TLK2: variants seen among roughly 807,000 people sequenced by gnomAD.
The protein encoded by TLK2 is serine/threonine-protein kinase tousled-like 2.
TLK2 carries 6 observed loss-of-function variants against 117.3 expected under a neutral mutation model. The ratio of observed to expected loss-of-function variants is 0.05; its 90% CI spans 0.03 to 0.10. The LOEUF (loss-of-function observed/expected upper bound fraction) is 0.10. Ranked by LOEUF, TLK2 falls within the 10% of genes least tolerant of loss-of-function variation. TLK2 has a pLI of 1.00. For missense variants in TLK2, 299 were observed against 901.2 expected (o/e 0.33, Z 8.56); for synonymous variants, 257 against 316.7 (o/e 0.81, Z 2.00).
Position 62,565,153 on chromosome 17 carries a change from T to C in TLK2, c.968+16T>C, listed in dbSNP as rs369697856. 8 of 1,593,554 alleles carry C rather than the reference T, an allele frequency of 5.0e-6. No homozygotes were observed. Among genetic ancestry groups the C allele is most frequent in the South Asian group, 1.2e-5 (1 of 86,822 alleles). On this transcript the variant is annotated intron_variant, in intron 11 of 21. Transcript: ENST00000346027. ...ATCTTATCAAGTAAGTGAATTGTTA[T>C]GATTAAATGGAGAATTGAAAAGTTC...
rs534356365 is a variant in TLK2, at chr17:62,480,228, T to G, written c.-5-893T>G. Among the ~76,000 whole-genome samples, 53 of 152,374 alleles carry G rather than the reference T, an allele frequency of 3.5e-4. No homozygotes were observed. The Middle Eastern group carries it at 0.014, about 39-fold the overall frequency. ...CACACCAACCATTCCAACTACTTAA[T>G]AATGTGTTCGAAGGGGTTCTATGTA... On this transcript the variant is annotated intron_variant, in intron 1 of 21. Transcript: ENST00000346027.
chr17:62,570,002 GGCA>G (rs1431594063), intron 11 of TLK2, among the ~76,000 whole-genome samples: 1 of 152,070 alleles, frequency 6.6e-6, no homozygotes, highest in East Asian at 1.9e-4. Flanking sequence ...TTGGGCTTGC[GGCA>G]GCATAACTCC....
intron 17 of TLK2, among the ~76,000 whole-genome samples, chr17:62,598,813 G>A (rs1452234651): frequency 1.3e-5 from 2 of 151,928 alleles, no homozygotes; most frequent in East Asian, 1.9e-4. Flanking sequence ...TTGAGCCACC[G>A]CGCCTGGCTG....
At chr17:62,580,747 A>G (rs1298409456) in intron 15 of TLK2, among the ~76,000 whole-genome samples, 1 of 152,196 alleles carries the variant, frequency 6.6e-6, no homozygotes, top group Admixed American at 6.5e-5. Context: ...TATGTTTTAA[A>G]TATAGCTACA....
chr17:62,542,764 G>A (rs767772375), intron 7 of TLK2, among the ~76,000 whole-genome samples: 4 of 152,112 alleles, frequency 2.6e-5, no homozygotes, highest in Non-Finnish European at 4.4e-5. Flanking sequence ...TGGCAAGTCT[G>A]TTGTTTCCTT....
intron 1 of TLK2, among the ~76,000 whole-genome samples, chr17:62,480,222 A>G (rs1447931554): frequency 6.6e-6 from 1 of 152,218 alleles, no homozygotes; most frequent in African/African-American, 2.4e-5. Flanking sequence ...CATTCCAACT[A>G]CTTAATAATG....
At chr17:62,534,991 C>T (rs2145817470) in intron 6 of TLK2, among the ~76,000 whole-genome samples, 1 of 143,084 alleles carries the variant, frequency 7.0e-6, no homozygotes, top group South Asian at 2.3e-4. Context: ...TGGGTTTAAG[C>T]AATTCTTCTG....
chr17:62,500,378 T>C (rs1272790659), intron 2 of TLK2, among the ~76,000 whole-genome samples: 2 of 151,918 alleles, frequency 1.3e-5, no homozygotes, highest in Non-Finnish European at 2.9e-5. Flanking sequence ...ACAAGAAAAA[T>C]ATTGCTAGGA....
chr17:62,568,786 T>C (rs1392559440), intron 11 of TLK2, among the ~76,000 whole-genome samples: 1 of 151,938 alleles, frequency 6.6e-6, no homozygotes, highest in African/African-American at 2.4e-5. Context: ...GGTTTTGCCA[T>C]GTTGGCCAGG....
intron 18 of TLK2, among the ~76,000 whole-genome samples, chr17:62,601,813 G>A (rs570722282): frequency 6.6e-6 from 1 of 152,342 alleles, no homozygotes; most frequent in African/African-American, 2.4e-5. Context: ...GCTCATCATA[G>A]TGGTGGTTTT....
chr17:62,609,700 G>T (rs1444977279), intron 21 of TLK2, among the ~76,000 whole-genome samples: 1 of 151,688 alleles, frequency 6.6e-6, no homozygotes. Context: ...TTGAAGCCTG[G>T]TTAACCTAAT....
chr17:62,473,273 A>G (rs544259472), intron 1 of TLK2, among the ~76,000 whole-genome samples: 27 of 152,184 alleles, frequency 1.8e-4, no homozygotes, highest in Non-Finnish European at 2.9e-4. Context: ...TTCATCTTCT[A>G]TCTATGGCTT....
chr17:62,479,481 G>A (rs2071347712), intron 1 of TLK2, among the ~76,000 whole-genome samples, 191 bp downstream of exon 1: 3 of 152,044 alleles, frequency 2.0e-5, no homozygotes, highest in African/African-American at 7.2e-5. Flanking sequence ...GCAGAAGATG[G>A]GGGAGGCCCA....
intron 2 of TLK2, among the ~76,000 whole-genome samples, chr17:62,490,248 T>C (rs2072967496): frequency 6.6e-6 from 1 of 152,276 alleles, no homozygotes; most frequent in African/African-American, 2.4e-5. Context: ...CCTCTTACCC[T>C]GTCTCTTGTA....
intron 16 of TLK2, among the ~76,000 whole-genome samples, chr17:62,588,817 T>G (rs771101171): frequency 4.6e-5 from 7 of 152,218 alleles, no homozygotes; most frequent in Non-Finnish European, 1.0e-4. Flanking sequence ...TGTCATTAAC[T>G]GCTTTGAACT....
At chr17:62,574,277 A>G in intron 12 of TLK2, 1 of 1,529,370 alleles carries the variant, frequency 6.5e-7, no homozygotes, top group Non-Finnish European at 8.7e-7. Context: ...TACATATCTG[A>G]TGTTTTGGGA....
intron 2 of TLK2, among the ~76,000 whole-genome samples, chr17:62,502,575 G>GTT (rs1199297767): frequency 6.6e-6 from 1 of 152,102 alleles, no homozygotes; most frequent in Admixed American, 6.6e-5. Context: ...TAATCTTACA[G>GTT]ATTACAAAGT....
chr17:62,487,149 G>A (rs2072490591), intron 2 of TLK2, among the ~76,000 whole-genome samples: 2 of 152,078 alleles, frequency 1.3e-5, no homozygotes, highest in Admixed American at 6.6e-5. Context: ...AAAATAAGCC[G>A]GGCGTGGTGG....
chr17:62,565,173 A>G (rs2079649687), intron 11 of TLK2, 36 bp downstream of exon 11: 5 of 1,582,088 alleles, frequency 3.2e-6, no homozygotes, highest in Non-Finnish European at 4.3e-6. Context: ...GAGAATTGAA[A>G]AGTTCGTTTG....
Sources: gnomAD v4.1 joint callset for allele counts (sites outside exome capture counted in the v4.1 genomes callset) on GRCh38, gnomAD v4.1.1 for gene constraint, MANE v1.5 for transcripts, NCBI Gene and HGNC (gene_info 2026-07-23, HGNC 2026-07-21) for gene names.